The following ME3 variants were observed in gnomAD, a reference collection of about 807,000 sequenced individuals.
ME3 encodes the protein malic enzyme 3.
ME3 carries 48 observed loss-of-function variants against 68.9 expected under a neutral mutation model. The ratio of observed to expected loss-of-function variants is 0.70; its 90% confidence interval spans 0.55 to 0.89. The LOEUF is 0.89. ME3 is among the 40% of genes least tolerant of loss of function. The probability of loss-of-function intolerance (pLI) is 0.00; values close to 1 mark genes in which losing one functional copy is unlikely to be tolerated. For synonymous variants in ME3, 320 were observed against 318.8 expected, an observed-to-expected ratio of 1.00 and a Z score of -0.04; for missense variants, 675 against 797.4, an observed-to-expected ratio of 0.85 and a Z score of 1.85.
At chr11:86,453,729 A>C (rs1177788898) in intron 8 of ME3, among the ~76,000 whole-genome samples, 1 of 152,204 alleles carries the variant, frequency 6.6e-6, no homozygotes, top group East Asian at 1.9e-4. Flanking sequence ...GGTTTTGCTA[A>C]ATCTGGCAGC....
At chr11:86,436,958 T>G (rs1948900980), downstream of ME3, 1 of 152,184 alleles carries the variant, frequency 6.6e-6, no homozygotes, top group Non-Finnish European at 1.5e-5. Flanking sequence ...GGTGTACAAG[T>G]GCAGTTTTGT....
At chr11:86,590,763 T>C (rs1959007579) in intron 2 of ME3, among the ~76,000 whole-genome samples, 1 of 152,190 alleles carries the variant, frequency 6.6e-6, no homozygotes, top group African/African-American at 2.4e-5. Flanking sequence ...AAGCATGGCC[T>C]CCTGTGCCAT....
intron 5 of ME3, among the ~76,000 whole-genome samples, chr11:86,502,523 G>C (rs186440796): frequency 1.3e-5 from 2 of 152,320 alleles, no homozygotes; most frequent in East Asian, 3.9e-4. Flanking sequence ...GCGCTGAACA[G>C]AGTTCAGACC....
intron 8 of ME3, among the ~76,000 whole-genome samples, chr11:86,452,971 A>G (rs370876842): frequency 6.6e-5 from 10 of 151,962 alleles, no homozygotes; most frequent in East Asian, 3.8e-4. Flanking sequence ...GTTGTGAGGC[A>G]TTTTGTTAGA....
chr11:86,541,615 G>A (rs1956053359), intron 4 of ME3, among the ~76,000 whole-genome samples: 1 of 152,194 alleles, frequency 6.6e-6, no homozygotes, highest in African/African-American at 2.4e-5. Flanking sequence ...TCTCTGGGCA[G>A]GGCATCTCTG....
chr11:86,618,515 A>G (rs2135248694), intron 2 of ME3, among the ~76,000 whole-genome samples: 1 of 152,220 alleles, frequency 6.6e-6, no homozygotes, highest in Admixed American at 6.5e-5. Flanking sequence ...AGCTAAGTCT[A>G]AATCTAAACA....
intron 2 of ME3, among the ~76,000 whole-genome samples, chr11:86,575,192 A>G (rs1958033107): frequency 6.8e-6 from 1 of 147,472 alleles, no homozygotes; most frequent in African/African-American, 2.6e-5. Context: ...TTAAACAGCC[A>G]TTGGAGACAA....
At chr11:86,443,171 G>C (rs953158226) in intron 13 of ME3, among the ~76,000 whole-genome samples, 3 of 152,184 alleles carry the variant, frequency 2.0e-5, no homozygotes, top group Non-Finnish European at 2.9e-5. Context: ...AATCACTAAA[G>C]CCAAGATGAA....
intron 2 of ME3, among the ~76,000 whole-genome samples, chr11:86,665,845 G>T (rs1946558679): frequency 6.6e-6 from 1 of 152,046 alleles, no homozygotes; most frequent in Non-Finnish European, 1.5e-5. Flanking sequence ...GAAAGAGAGT[G>T]GTCAAGGATA....
intron 2 of ME3, among the ~76,000 whole-genome samples, chr11:86,573,996 G>A (rs541365283): frequency 2.0e-5 from 3 of 152,242 alleles, no homozygotes; most frequent in African/African-American, 7.2e-5. Context: ...TGATTGTGGT[G>A]GATAAGCTTT....
intron 4 of ME3, among the ~76,000 whole-genome samples, chr11:86,540,263 TTTG>T (rs1031122259): frequency 2.6e-5 from 4 of 152,164 alleles, no homozygotes; most frequent in East Asian, 3.9e-4. Context: ...GCATGCTTTT[TTTG>T]TTGTTGTTGT....
intron 4 of ME3, among the ~76,000 whole-genome samples, chr11:86,539,923 A>G (rs1955932531): frequency 6.6e-6 from 1 of 152,206 alleles, no homozygotes; most frequent in African/African-American, 2.4e-5. Flanking sequence ...AATCTGAACA[A>G]TGCTGACAAC....
intron 2 of ME3, among the ~76,000 whole-genome samples, chr11:86,637,967 T>C (rs930239606): frequency 3.0e-4 from 43 of 145,050 alleles, no homozygotes; most frequent in Non-Finnish European, 4.7e-4. Flanking sequence ...TGCTCATGCA[T>C]ACACACACAC....
intron 6 of ME3, among the ~76,000 whole-genome samples, chr11:86,490,065 C>T (rs535829229): frequency 6.6e-6 from 1 of 152,204 alleles, no homozygotes; most frequent in Admixed American, 6.5e-5. Context: ...CTTCTGCATA[C>T]CAACAAGAAT....
chr11:86,472,882 T>C (rs1000189386), intron 7 of ME3, among the ~76,000 whole-genome samples: 6 of 151,858 alleles, frequency 4.0e-5, no homozygotes, highest in Non-Finnish European at 5.9e-5. Flanking sequence ...CTCATCAAGG[T>C]TGGGGATGGG....
chr11:86,472,369 A>C (rs1950831434), intron 7 of ME3, among the ~76,000 whole-genome samples: 1 of 152,118 alleles, frequency 6.6e-6, no homozygotes, highest in African/African-American at 2.4e-5. Context: ...GTGTTTTAGG[A>C]AGTTTATTCT....
chr11:86,469,882 A>G (rs550583432), intron 7 of ME3, among the ~76,000 whole-genome samples: 1 of 151,758 alleles, frequency 6.6e-6, no homozygotes, highest in South Asian at 2.1e-4. Context: ...TACTCAGGCA[A>G]GGGGAAGCCA....
intron 2 of ME3, among the ~76,000 whole-genome samples, chr11:86,570,589 C>T (rs1243480983): frequency 3.3e-5 from 5 of 152,100 alleles, no homozygotes; most frequent in African/African-American, 1.2e-4. Flanking sequence ...GGCCTTCCTC[C>T]CAGACATATT....
chr11:86,622,343 C>T (rs749238012), intron 2 of ME3, among the ~76,000 whole-genome samples: 1 of 151,832 alleles, frequency 6.6e-6, no homozygotes, highest in Non-Finnish European at 1.5e-5. Flanking sequence ...ACTACAGACA[C>T]TGCCATATCC....
Sources: gnomAD v4.1 joint callset for allele counts (sites outside exome capture counted in the v4.1 genomes callset) on GRCh38, gnomAD v4.1.1 for gene constraint, MANE v1.5 for transcripts, NCBI Gene and HGNC (gene_info 2026-07-23, HGNC 2026-07-21) for gene names.